EIF4ENIF1: variants seen among roughly 807,000 people sequenced by gnomAD.
EIF4ENIF1 encodes eukaryotic translation initiation factor 4E transporter.
In EIF4ENIF1, 23 loss-of-function variants were observed where a neutral mutation model predicts 110.5. The ratio of observed to expected loss-of-function variants is 0.21; its 90% CI spans 0.15 to 0.29. The LOEUF (loss-of-function observed/expected upper bound fraction) is 0.29. Ranked by LOEUF, EIF4ENIF1 falls within the 10% of genes least tolerant of loss-of-function variation. The probability of loss-of-function intolerance (pLI) is 1.00; values close to 1 mark genes in which losing one functional copy is unlikely to be tolerated. For synonymous variants in EIF4ENIF1, 440 were observed against 437.0 expected (o/e 1.01, Z -0.09); for missense variants, 1,031 against 1,221.1 (o/e 0.84, Z 2.32).
intron 2 of EIF4ENIF1, among the ~76,000 whole-genome samples, chr22:31,477,624 G>A (rs1350302152): frequency 1.3e-5 from 2 of 152,204 alleles, no homozygotes; most frequent in Non-Finnish European, 2.9e-5. Flanking sequence ...TCACAGGCCT[G>A]TAAGAGCAGA....
chr22:31,465,052 A>C (rs773353662), intron 4 of EIF4ENIF1, among the ~76,000 whole-genome samples: 40 of 151,776 alleles, frequency 2.6e-4, no homozygotes, highest in Non-Finnish European at 4.6e-4. Context: ...AAACCAACCC[A>C]GTGGCTCACG....
intron 4 of EIF4ENIF1, among the ~76,000 whole-genome samples, chr22:31,466,850 A>C (rs2051207057): frequency 6.6e-6 from 1 of 152,128 alleles, no homozygotes; most frequent in East Asian, 1.9e-4. Context: ...CCATACAAAA[A>C]ATGTCTTCCT....
chr22:31,478,176 A>G (rs549760153), intron 2 of EIF4ENIF1, among the ~76,000 whole-genome samples: 1 of 152,290 alleles, frequency 6.6e-6, no homozygotes, highest in Admixed American at 6.5e-5. Flanking sequence ...CCAGCACAAG[A>G]AGATCCCCTA....
chr22:31,441,714 G>A, intron 17 of EIF4ENIF1, 60 bp downstream of exon 17: 1 of 1,388,268 alleles, frequency 7.2e-7, no homozygotes, highest in Non-Finnish European at 9.9e-7. Context: ...CTTCATCAGT[G>A]CCAACAATTG....
At chr22:31,473,706 T>C (rs2051470462) in intron 2 of EIF4ENIF1, among the ~76,000 whole-genome samples, 1 of 152,232 alleles carries the variant, frequency 6.6e-6, no homozygotes, top group Admixed American at 6.5e-5. Flanking sequence ...CCGTCACTTC[T>C]GGAGGCCATG....
At chr22:31,456,292 C>T (rs1211775237) in intron 7 of EIF4ENIF1, among the ~76,000 whole-genome samples, 12 of 146,742 alleles carry the variant, frequency 8.2e-5, no homozygotes, top group South Asian at 4.3e-4. Context: ...GGCACGATCT[C>T]GGCTCACTGC....
Position 31,444,709 on chromosome 22 carries a change from T to TCA in EIF4ENIF1, c.1989-21_1989-20dup. ...CTGTTGCCTGTGAACAAACCAATTA[T>TCA]CAGCATGAACCCCAATCTGCTTAAC... On this transcript the variant is annotated intron_variant, in intron 14 of 18. Coordinates refer to ENST00000330125, the MANE Select transcript of EIF4ENIF1 (RefSeq NM_019843.4). 2.5e-6 allele frequency: 4 copies of TCA among 1,610,566 alleles called. No homozygotes were observed. Among genetic ancestry groups the TCA allele is most frequent in the Non-Finnish European group, 3.4e-6 (4 of 1,179,140 alleles).
rs2050236037 is a variant in EIF4ENIF1 at position 31,439,844 on chromosome 22, C to CA, written c.*35dup. On this transcript the variant is annotated 3_prime_UTR_variant, in exon 19 of 19. Transcript: ENST00000330125. ...AGCAGGGTCCTGCCCAGTGTGCCACCACAGGTCCGGGCTTAGTTGAGTCTG... is the reference window on the plus strand; with the variant it reads ...AGCAGGGTCCTGCCCAGTGTGCCACCAACAGGTCCGGGCTTAGTTGAGTCTG... 1 of 1,604,752 alleles carries CA rather than the reference C, an allele frequency of 6.2e-7. No individual in the cohort carries two copies. Among genetic ancestry groups the CA allele is most frequent in the Admixed American group, 1.7e-5 (1 of 59,752 alleles).
At chr22:31,445,094 G>A (rs1237511112) in intron 14 of EIF4ENIF1, among the ~76,000 whole-genome samples, 1 of 152,188 alleles carries the variant, frequency 6.6e-6, no homozygotes, top group East Asian at 1.9e-4. Context: ...AACAGTTCAG[G>A]TAGACAGAAT....
chr22:31,440,634 A>C, intron 18 of EIF4ENIF1, 70 bp downstream of exon 18: 2 of 1,527,200 alleles, frequency 1.3e-6, no homozygotes, highest in South Asian at 1.2e-5. Context: ...TCTCCACTGG[A>C]AACTAGTCCT....
At chr22:31,444,897 T>C (rs1379573781) in intron 14 of EIF4ENIF1, among the ~76,000 whole-genome samples, 1 of 152,140 alleles carries the variant, frequency 6.6e-6, no homozygotes, top group East Asian at 1.9e-4. Flanking sequence ...AGTCCCAGTC[T>C]TGTAAGAGCT....
intron 6 of EIF4ENIF1, among the ~76,000 whole-genome samples, chr22:31,459,101 A>C (rs2050914976): frequency 6.6e-6 from 1 of 151,556 alleles, no homozygotes; most frequent in South Asian, 2.1e-4. Flanking sequence ...ATAATTTTTT[A>C]ATTTTTTGTA....
At chr22:31,487,782 C>T (rs903378990) in intron 2 of EIF4ENIF1, among the ~76,000 whole-genome samples, 1 of 146,670 alleles carries the variant, frequency 6.8e-6, no homozygotes, top group Non-Finnish European at 1.5e-5. Flanking sequence ...AAAGTGACGC[C>T]CTGTCGGGTG....
chr22:31,449,856 A>G (rs1375878248), intron 11 of EIF4ENIF1, among the ~76,000 whole-genome samples: 2 of 151,370 alleles, frequency 1.3e-5, no homozygotes, highest in Admixed American at 1.3e-4. Flanking sequence ...TCAGCCTCCT[A>G]AGGAGTTGGG....
At chr22:31,448,043 C>T (rs2050530291) in intron 13 of EIF4ENIF1, 110 bp downstream of exon 13, 1 of 1,247,800 alleles carries the variant, frequency 8.0e-7, no homozygotes, top group African/African-American at 1.5e-5. Context: ...GCCACTATGC[C>T]TGGCCTCAAA....
intron 10 of EIF4ENIF1, among the ~76,000 whole-genome samples, chr22:31,452,221 CAGT>C (rs2050695369): frequency 6.6e-6 from 1 of 152,132 alleles, no homozygotes. Flanking sequence ...ACATACACAG[CAGT>C]AGTAATTAAA....
chr22:31,464,675 CAAAAAA>C lies in EIF4ENIF1; in HGVS notation c.299-714_299-709del, dbSNP rs770904708. Reference sequence around the variant, plus strand: ...TGGGCAAAAGACTAAGATTCAGTCTCAAAAAAAAAAAAAAAAAAAAAAAAATATATA... The same window carrying C: ...TGGGCAAAAGACTAAGATTCAGTCTCAAAAAAAAAAAAAAAAAAATATATA... On this transcript the variant is annotated intron_variant, in intron 4 of 18. Coordinates refer to ENST00000330125, the MANE Select transcript of EIF4ENIF1 (RefSeq NM_019843.4). Among the ~76,000 whole-genome samples, 152 of 30,902 alleles carry C rather than the reference CAAAAAA, an allele frequency of 4.9e-3. 6 individuals carry two copies. The highest frequency in any genetic ancestry group is 0.02 in the Admixed American group (56 of 2,814). 20.3% of individuals were successfully genotyped at this position (30,902 alleles called of 152,430 possible).
intron 3 of EIF4ENIF1, among the ~76,000 whole-genome samples, chr22:31,470,089 G>A (rs1278196118): frequency 2.7e-5 from 4 of 150,052 alleles, no homozygotes; most frequent in East Asian, 2.0e-4. Flanking sequence ...GCTTGAACCC[G>A]GGAGGGGAAG....
chr22:31,445,953 GCC>G (rs541255413), intron 14 of EIF4ENIF1, among the ~76,000 whole-genome samples: 5 of 97,436 alleles, frequency 5.1e-5, no homozygotes, highest in East Asian at 4.3e-4. Flanking sequence ...GTTACGTACC[GCC>G]CCCCCCCCCC....
Sources: gnomAD v4.1 joint callset for allele counts (sites outside exome capture counted in the v4.1 genomes callset) on GRCh38, gnomAD v4.1.1 for gene constraint, MANE v1.5 for transcripts, NCBI Gene and HGNC (gene_info 2026-07-23, HGNC 2026-07-21) for gene names.